The following F13A1 variants were observed in gnomAD, a reference collection of about 807,000 sequenced individuals.
The protein encoded by F13A1 is coagulation factor XIII A chain.
A neutral mutation model predicts 80.1 loss-of-function variants in F13A1; 47 were observed. The ratio of observed to expected loss-of-function variants is 0.59; its 90% confidence interval spans 0.46 to 0.75. The LOEUF is 0.75. Among genes scored for constraint, F13A1 ranks in the 30% least tolerant of loss-of-function variants. The probability of loss-of-function intolerance (pLI) is 0.00; values close to 1 mark genes in which losing one functional copy is unlikely to be tolerated. For synonymous variants in F13A1, 349 were observed against 344.9 expected (o/e 1.01, Z -0.13); for missense variants, 817 against 930.4 (o/e 0.88, Z 1.59).
rs145180358 is a variant in F13A1, at chr6:6,167,505, C to A, written c.1861G>T (p.Ala621Ser). The change falls in exon 13 of 15, where the codon GCC (alanine) becomes TCC (serine). Residue 621 changes from alanine (A) to serine (S), a missense_variant. Transcript: ENST00000264870. Reference protein sequence around the residue: ...ARINETRDVLAKQKSTVLTIP... With the variant: ...ARINETRDVLSKQKSTVLTIP... ...GTTAGCACGGTGGACTTTTGCTTGG[C>A]CAGAACATCCCTGGTCTCATTGATG... 7.4e-4 allele frequency: 1,198 copies of A among 1,613,914 alleles called. No homozygotes were observed. Among genetic ancestry groups the A allele is most frequent in the Admixed American group, 8.2e-4 (49 of 59,990 alleles).
Position 6,217,518 on chromosome 6 carries a change from C to T in F13A1, c.1112+4515G>A, listed in dbSNP as rs970213030. Among the ~76,000 whole-genome samples the T allele has an allele frequency of 6.3e-4, 72 of 115,200 alleles. No homozygotes were observed. The Admixed American group carries it at 7.3e-3, about 12-fold the overall frequency. 75.6% of individuals were successfully genotyped at this position (115,200 alleles called of 152,430 possible). A position where few individuals can be genotyped will look rare whatever the true frequency, so the allele number is the denominator to read the frequency against. ...ACAGGAAGGGGAACATAACACTCTG[C>T]GGCCTGTTGTGGGGTGGGGGGAGGG... On this transcript the variant is annotated intron_variant, in intron 8 of 14. Transcript: ENST00000264870.
intron 8 of F13A1, among the ~76,000 whole-genome samples, chr6:6,208,753 T>A (rs1761541769): frequency 6.6e-6 from 1 of 152,144 alleles, no homozygotes. Flanking sequence ...AATAAGATGA[T>A]TTTAGTTTTC....
chr6:6,265,005 A>C (rs1757824665), intron 4 of F13A1, among the ~76,000 whole-genome samples: 1 of 152,180 alleles, frequency 6.6e-6, no homozygotes, highest in Non-Finnish European at 1.5e-5. Context: ...TCATGACTGT[A>C]ATCCCAACAC....
chr6:6,211,315 C>CA (rs1466541897), intron 8 of F13A1, among the ~76,000 whole-genome samples: 1 of 152,198 alleles, frequency 6.6e-6, no homozygotes, highest in Non-Finnish European at 1.5e-5. Flanking sequence ...TGTATATTCT[C>CA]AGTCCTCTAA....
chr6:6,303,592 T>C (rs1041894014), intron 3 of F13A1, among the ~76,000 whole-genome samples: 2 of 152,180 alleles, frequency 1.3e-5, no homozygotes, highest in Admixed American at 1.3e-4. Flanking sequence ...ATATACATTA[T>C]TATTAACTAT....
intron 3 of F13A1, among the ~76,000 whole-genome samples, chr6:6,273,829 G>C (rs951507387): frequency 1.3e-5 from 2 of 152,160 alleles, no homozygotes; most frequent in Non-Finnish European, 2.9e-5. Context: ...AGTGTGCTGA[G>C]ACCAAGTGGG....
At chr6:6,255,132 C>T (rs575912999) in intron 4 of F13A1, among the ~76,000 whole-genome samples, 6 of 152,152 alleles carry the variant, frequency 3.9e-5, no homozygotes, top group African/African-American at 9.6e-5. Context: ...CCTATGGAGG[C>T]GGGGGTAACA....
In F13A1 at chr6:6,243,471, T is replaced by G. The variant is rs903029410; in HGVS notation, c.798+4841A>C. ...CTATGGCTATTTAGAATCCTCTGATTGATACCTTTCTTCACTTATTCCCCA... is the reference window on the plus strand; with the variant it reads ...CTATGGCTATTTAGAATCCTCTGATGGATACCTTTCTTCACTTATTCCCCA... On this transcript the variant is annotated intron_variant, in intron 6 of 14. Transcript: ENST00000264870. The surrounding 1 kb of genome is among the most constrained non-coding windows in gnomAD (Gnocchi z 4.2). 2.6e-5 allele frequency among the ~76,000 whole-genome samples: 4 copies of G among 152,188 alleles called. No homozygotes were observed. The highest frequency in any genetic ancestry group is 9.7e-5 in the African/African-American group (4 of 41,442).
At chr6:6,275,535 A>C (rs771858433) in intron 3 of F13A1, among the ~76,000 whole-genome samples, 8 of 151,858 alleles carry the variant, frequency 5.3e-5, no homozygotes, top group Non-Finnish European at 8.8e-5. Context: ...ACACCCACTA[A>C]TTTTTGTACT....
chr6:6,207,258 T>C (rs1761505782), intron 8 of F13A1, among the ~76,000 whole-genome samples: 1 of 152,124 alleles, frequency 6.6e-6, no homozygotes, highest in Non-Finnish European at 1.5e-5. Context: ...TTTTGAACAC[T>C]CCGAAAGCTC....
intron 3 of F13A1, among the ~76,000 whole-genome samples, chr6:6,280,188 T>C (rs1163508360): frequency 2.6e-5 from 4 of 152,224 alleles, no homozygotes; most frequent in African/African-American, 9.7e-5. Context: ...CTAGTGCTTA[T>C]GATGAGCAGA....
chr6:6,183,207 AAGC>A lies in F13A1; in HGVS notation c.1306-1069_1306-1067del, dbSNP rs1761019601. ...TTGATGTATTTACTAAATGTTTCCC[AAGC>A]TCCTCTCCAAGCCTCAGTTACCCAC... On this transcript the variant is annotated intron_variant, in intron 10 of 14. Transcript: ENST00000264870. 4.6e-5 allele frequency among the ~76,000 whole-genome samples: 7 copies of A among 152,330 alleles called. No individual in the cohort carries two copies. In the South Asian group the frequency reaches 1.2e-3, roughly 27 times the overall value.
chr6:6,231,521 A>G (rs2113074396), intron 6 of F13A1, among the ~76,000 whole-genome samples: 1 of 152,328 alleles, frequency 6.6e-6, no homozygotes, highest in South Asian at 2.1e-4. Flanking sequence ...TAATTGAGGA[A>G]TACTTCCCCG....
rs121913069 is a variant in F13A1 at position 6,174,640 on chromosome 6, C to T, written c.1687G>A (p.Gly563Arg). The T allele has an allele frequency of 7.4e-6, 12 of 1,613,996 alleles. No homozygotes were observed. Among genetic ancestry groups the T allele is most frequent in the South Asian group, 2.2e-5 (2 of 91,072 alleles). Reference protein sequence around the residue: ...YLSANITFYTGVPKAEFKKET... With the variant: ...YLSANITFYTRVPKAEFKKET... ...TTCTTGAATTCTGCCTTCGGGACCC[C>T]GGTGTAGAAGGTGATGTTGGCTGAG... The change falls in exon 12 of 15, where the codon GGG becomes AGG. Residue 563 changes from glycine (G) to arginine (R), a missense_variant. By Grantham distance (125) the Gly-to-Arg change is moderately radical. Transcript: ENST00000264870.
At chr6:6,285,227 C>T (rs1401360889) in intron 3 of F13A1, among the ~76,000 whole-genome samples, 1 of 152,168 alleles carries the variant, frequency 6.6e-6, no homozygotes, top group Non-Finnish European at 1.5e-5. Context: ...CCGGCATGGG[C>T]ACCAGAGCGA....
chr6:6,286,427 A>G (rs1420670394), intron 3 of F13A1, among the ~76,000 whole-genome samples: 3 of 152,180 alleles, frequency 2.0e-5, no homozygotes, highest in Non-Finnish European at 4.4e-5. Context: ...CAAACTGTAC[A>G]CTTGTCTTTC....
chr6:6,227,063 A>G (rs894711833), intron 6 of F13A1, among the ~76,000 whole-genome samples: 6 of 152,332 alleles, frequency 3.9e-5, no homozygotes, highest in Admixed American at 2.0e-4. Flanking sequence ...GGAGCTCTGC[A>G]TGGGTATTAT....
At chr6:6,160,406 G>A (rs931110523) in intron 13 of F13A1, among the ~76,000 whole-genome samples, 2 of 151,578 alleles carry the variant, frequency 1.3e-5, no homozygotes, top group Non-Finnish European at 2.9e-5. Flanking sequence ...GCGGGATCTC[G>A]GCTCACTGCA....
At chr6:6,196,269 CTT>C (rs1405771428) in intron 9 of F13A1, among the ~76,000 whole-genome samples, 1 of 152,142 alleles carries the variant, frequency 6.6e-6, no homozygotes, top group Non-Finnish European at 1.5e-5. Context: ...TGCTTTTTGT[CTT>C]TTGTTTTTGG....
Sources: gnomAD v4.1 joint callset for allele counts (sites outside exome capture counted in the v4.1 genomes callset) on GRCh38, gnomAD v4.1.1 for gene constraint, Gnocchi (gnomAD v3.1) non-coding constraint, MANE v1.5 for transcripts, NCBI Gene and HGNC (gene_info 2026-07-23, HGNC 2026-07-21) for gene names.